OSBPL10: variants seen among roughly 807,000 people sequenced by gnomAD.
OSBPL10 encodes oxysterol-binding protein-related protein 10.
Under a neutral mutation model 81.7 loss-of-function variants are expected in OSBPL10, and 49 were observed. The observed-to-expected ratio is 0.60, with a 90% CI of 0.48 to 0.76. OSBPL10 has a LOEUF of 0.76. Ranked by LOEUF, OSBPL10 falls within the 30% of genes least tolerant of loss-of-function variation. OSBPL10 has a pLI of 0.00. For missense variants in OSBPL10, 923 were observed against 987.8 expected (o/e 0.93, Z 0.88); for synonymous variants, 419 against 383.6 (o/e 1.09, Z -1.08).
intron 1 of OSBPL10, among the ~76,000 whole-genome samples, chr3:31,944,383 A>G (rs1044270361): frequency 6.6e-6 from 1 of 152,224 alleles, no homozygotes; most frequent in Non-Finnish European, 1.5e-5. Context: ...TGTGTTAGCA[A>G]TTATCTTTTC....
intron 4 of OSBPL10, among the ~76,000 whole-genome samples, chr3:31,765,677 G>A (rs949996149): frequency 1.3e-5 from 2 of 152,142 alleles, no homozygotes; most frequent in East Asian, 1.9e-4. Context: ...CAGCCAGTGG[G>A]ACTTTAAAAT....
intron 3 of OSBPL10, among the ~76,000 whole-genome samples, chr3:31,850,882 C>CA (rs1462241444): frequency 6.6e-6 from 1 of 152,116 alleles, no homozygotes; most frequent in African/African-American, 2.4e-5. Context: ...AGGTCAAGGC[C>CA]AATGATAGAA....
intron 5 of OSBPL10, among the ~76,000 whole-genome samples, chr3:31,735,334 A>G (rs1481003730): frequency 2.6e-5 from 4 of 152,124 alleles, no homozygotes; most frequent in African/African-American, 9.7e-5. Flanking sequence ...CAGCTACATG[A>G]GAGGCTGAAG....
At chr3:31,694,581 G>A (rs1262275247) in intron 7 of OSBPL10, among the ~76,000 whole-genome samples, 6 of 151,930 alleles carry the variant, frequency 3.9e-5, no homozygotes, top group African/African-American at 1.5e-4. Context: ...AGGAGTTGGG[G>A]TATCATTTTT....
chr3:31,716,233 TTATACTTGGTACAA>T (rs1696428677), intron 6 of OSBPL10, among the ~76,000 whole-genome samples: 1 of 152,176 alleles, frequency 6.6e-6, no homozygotes, highest in Non-Finnish European at 1.5e-5. Context: ...TAGTTATAAC[TTATACTTGGTACAA>T]TATACAAATC....
In OSBPL10 at chr3:31,779,748, C is replaced by A. The variant is rs182170240; in HGVS notation, c.730-31628G>T. 2.4e-4 allele frequency among the ~76,000 whole-genome samples: 36 copies of A among 152,258 alleles called. 1 individual carries two copies. In the East Asian group the frequency reaches 7.0e-3, roughly 29 times the overall value. ...CATTCTACCCAACAACTGCAGAATA[C>A]ACATTCTTTTCATCAGCACTTGGAA... is the stretch of plus-strand genomic sequence containing the variant. On this transcript the variant is annotated intron_variant, in intron 4 of 11. Coordinates refer to ENST00000396556, the MANE Select transcript of OSBPL10 (RefSeq NM_017784.5).
chr3:31,725,630 A>C (rs999437496), intron 6 of OSBPL10, among the ~76,000 whole-genome samples: 4 of 152,246 alleles, frequency 2.6e-5, no homozygotes, highest in African/African-American at 9.6e-5. Context: ...GAACCAATTC[A>C]TAGAAGCATC....
chr3:32,038,895 A>G (rs1699544506), intron 2 of OSBPL10, among the ~76,000 whole-genome samples: 1 of 152,240 alleles, frequency 6.6e-6, no homozygotes. Context: ...AAATAAACGG[A>G]CAAAATACCT....
chr3:31,800,900 T>G (rs1343048150), intron 4 of OSBPL10, among the ~76,000 whole-genome samples: 1 of 152,216 alleles, frequency 6.6e-6, no homozygotes, highest in African/African-American at 2.4e-5. Flanking sequence ...AAGCCTAAAA[T>G]AGGGACTGTG....
At chr3:32,035,516 C>G (rs1297716329) in intron 2 of OSBPL10, among the ~76,000 whole-genome samples, 4 of 135,438 alleles carry the variant, frequency 3.0e-5, no homozygotes, top group African/African-American at 1.1e-4. Context: ...GAGCTGATAC[C>G]ATGCCACTGC....
intron 2 of OSBPL10, among the ~76,000 whole-genome samples, chr3:32,039,394 T>C (rs756110707): frequency 8.0e-5 from 12 of 150,458 alleles, no homozygotes; most frequent in Non-Finnish European, 1.6e-4. Context: ...TGGTGGCTCA[T>C]GCCTATAATC....
chr3:31,861,707 G>A (rs1408172624), intron 3 of OSBPL10, among the ~76,000 whole-genome samples: 1 of 152,142 alleles, frequency 6.6e-6, no homozygotes, highest in Non-Finnish European at 1.5e-5. Flanking sequence ...AAAACAAGAG[G>A]TTAAAAGTGA....
intron 6 of OSBPL10, among the ~76,000 whole-genome samples, chr3:31,716,461 T>A (rs1463638891): frequency 6.6e-6 from 1 of 152,122 alleles, no homozygotes; most frequent in African/African-American, 2.4e-5. Context: ...CCCGAGGCCC[T>A]CCAGGAGATT....
intron 1 of OSBPL10, among the ~76,000 whole-genome samples, chr3:31,922,371 C>A (rs1466843507): frequency 2.0e-5 from 3 of 152,184 alleles, no homozygotes; most frequent in Non-Finnish European, 2.9e-5. Flanking sequence ...GTAATCCCAG[C>A]ACTTTGGGAG....
At chr3:31,772,777 A>G (rs984858595) in intron 4 of OSBPL10, among the ~76,000 whole-genome samples, 5 of 152,248 alleles carry the variant, frequency 3.3e-5, no homozygotes, top group Admixed American at 6.5e-5. Flanking sequence ...GCAAGTATCA[A>G]TGAAGTTATA....
intron 4 of OSBPL10, among the ~76,000 whole-genome samples, chr3:31,754,543 A>G (rs72859651): frequency 1.2e-3 from 189 of 152,334 alleles, no homozygotes; most frequent in African/African-American, 4.2e-3. Flanking sequence ...ACTATAAACC[A>G]AAGGAAACAA....
intron 1 of OSBPL10, among the ~76,000 whole-genome samples, chr3:31,891,234 TG>T (rs1695883448): frequency 2.0e-5 from 3 of 152,298 alleles, no homozygotes; most frequent in South Asian, 4.1e-4. Flanking sequence ...TTTCAGACTT[TG>T]CCCACATCAG....
chr3:31,791,367 G>GT (rs796440453), intron 4 of OSBPL10, among the ~76,000 whole-genome samples: 18 of 152,252 alleles, frequency 1.2e-4, no homozygotes, highest in African/African-American at 4.3e-4. Context: ...TATTTAGAAC[G>GT]TAACTGAAAG....
chr3:32,014,611 A>G (rs1372128932), intron 2 of OSBPL10, among the ~76,000 whole-genome samples: 4 of 152,018 alleles, frequency 2.6e-5, no homozygotes, highest in East Asian at 1.9e-4. Context: ...TCAGGCAGGA[A>G]AAGGAAATAA....
Sources: allele counts gnomAD v4.1 joint callset (sites outside exome capture counted in the v4.1 genomes callset), GRCh38; gene constraint gnomAD v4.1.1; transcripts MANE v1.5; gene names NCBI Gene and HGNC (gene_info 2026-07-23, HGNC 2026-07-21).